SEMA4F: variants seen among roughly 807,000 people sequenced by gnomAD.
SEMA4F encodes ssemaphorin 4F.
A neutral mutation model predicts 78.4 loss-of-function variants in SEMA4F; 51 were observed. That is an observed-to-expected ratio of 0.65 (90% CI 0.52 to 0.82). The LOEUF is 0.82. Ranked by LOEUF, SEMA4F falls within the 40% of genes least tolerant of loss-of-function variation. SEMA4F has a pLI of 0.00. For synonymous variants in SEMA4F, 418 were observed against 408.7 expected, an observed-to-expected ratio of 1.02 and a Z score of -0.27; for missense variants, 938 against 1,014.4, an observed-to-expected ratio of 0.92 and a Z score of 1.02.
chr2:74,656,666 C>T lies in SEMA4F; in HGVS notation c.278C>T (p.Ser93Leu), dbSNP rs542698076. The T allele has an allele frequency of 5.0e-6, 8 of 1,614,048 alleles. No homozygotes were observed. In the African/African-American group the frequency reaches 5.3e-5, roughly 11 times the overall value. Residue 93 changes from serine (S) to leucine (L), a missense_variant, in exon 2 of 14, where the codon TCA becomes TTA. Transcript: ENST00000357877. ...ATCTTCGCTTTATCCCTGCCCTTCTCAGGGGAGAGACCCCGCAGGGTGAGA... is the reference window on the plus strand; with the variant it reads ...ATCTTCGCTTTATCCCTGCCCTTCTTAGGGGAGAGACCCCGCAGGGTGAGA... ...DTIFALSLPF[S>L]GERPRRIDWM...
Position 74,679,868 on chromosome 2 carries a change from A to C in SEMA4F, c.1972A>C (p.Thr658Pro). The C allele has an allele frequency of 6.2e-7, 1 of 1,614,192 alleles. No homozygotes were observed. Among genetic ancestry groups the C allele is most frequent in the Non-Finnish European group, 8.5e-7 (1 of 1,180,026 alleles). Reference protein sequence around the residue: ...SQRDAPSRAHTVGAGLAGFFL... With the variant: ...SQRDAPSRAHPVGAGLAGFFL... ...GCGAGATGCTCCGAGCCGGGCCCAC[A>C]CAGTGGGGGCGGGACTGGCTGGCTT... Residue 658 changes from threonine to proline, a missense_variant, in exon 14 of 14, where the codon ACA (threonine) becomes CCA (proline). By Grantham distance (38) the Thr-to-Pro change is conservative. Coordinates refer to ENST00000357877, the MANE Select transcript of SEMA4F (RefSeq NM_004263.5).
In SEMA4F at chr2:74,654,406, G is replaced by A. The variant is rs772420161; in HGVS notation, c.30G>A (p.Pro10=). 2 of 1,533,158 alleles carry A rather than the reference G, an allele frequency of 1.3e-6. No homozygotes were observed. Among genetic ancestry groups the A allele is most frequent in the Admixed American group, 3.9e-5 (2 of 51,682 alleles). The allele number at this position is 1,533,158 out of a possible 1,614,324, so 95.0% of individuals were successfully genotyped here. A position where few individuals can be genotyped will look rare whatever the true frequency, so the allele number is the denominator to read the frequency against. ...CGGCCTCTGCTGCGCGGCCCCGCCC[G>A]GGTCCCGGGCAGCCTACAGCCTCGC... is the stretch of plus-strand genomic sequence containing the variant. The part of the protein sequence containing the change: MPASAARPR[P]GPGQPTASPF... The change falls in exon 1 of 14, where the codon CCG becomes CCA. Residue 10 remains proline, a synonymous_variant. Coordinates refer to ENST00000357877, the MANE Select transcript of SEMA4F (RefSeq NM_004263.5).
At chr2:74,668,776 T>A (rs1684825410) in intron 5 of SEMA4F, among the ~76,000 whole-genome samples, 1 of 151,724 alleles carries the variant, frequency 6.6e-6, no homozygotes, top group African/African-American at 2.4e-5. Context: ...ATTACAGGCA[T>A]GCACTGCCAT....
At chr2:74,700,678 G>A in the SEMA4F span, among the ~76,000 whole-genome samples, 1 of 152,156 alleles carries the variant, frequency 6.6e-6, no homozygotes, top group Non-Finnish European at 1.5e-5. Flanking sequence ...GCACAGAGAG[G>A]GTAAGTAACT....
intron 5 of SEMA4F, among the ~76,000 whole-genome samples, chr2:74,671,866 A>C (rs1685006812): frequency 6.6e-6 from 1 of 152,166 alleles, no homozygotes. Flanking sequence ...GGTTTACTCC[A>C]TTCTGTCTCA....
chr2:74,657,471 T>G, intron 2 of SEMA4F, 94 bp from the exon 3 acceptor site: 1 of 1,221,544 alleles, frequency 8.2e-7, no homozygotes, highest in Non-Finnish European at 1.2e-6. Flanking sequence ...GTTCCCAAAT[T>G]GATGGAGGTT....
In SEMA4F at chr2:74,673,536, G is replaced by A. The variant is rs1458267751; in HGVS notation, c.630G>A (p.Glu210=). Residue 210 remains glutamate, a synonymous_variant, in exon 6 of 14, where the codon GAG becomes GAA. Transcript: ENST00000357877. The part of the protein sequence containing the change: ...PIITRAVGRA[E]DWIRTDTLPS... ...TCACCAGAGCAGTGGGTCGTGCCGA[G>A]GACTGGATTCGGACAGATACCTTGC... 1 of 1,614,156 alleles carries A rather than the reference G, an allele frequency of 6.2e-7. No individual in the cohort carries two copies. Among genetic ancestry groups the A allele is most frequent in the Admixed American group, 1.7e-5 (1 of 60,026 alleles).
chr2:74,695,162 C>T, the SEMA4F span, among the ~76,000 whole-genome samples: 1 of 152,190 alleles, frequency 6.6e-6, no homozygotes, highest in South Asian at 2.1e-4. Flanking sequence ...CTGCGTGTCT[C>T]AGCAGGTTAT....
At chr2:74,665,228 CTTTTT>C (rs11348861) in intron 5 of SEMA4F, among the ~76,000 whole-genome samples, 2 of 128,678 alleles carry the variant, frequency 1.6e-5, no homozygotes, top group Non-Finnish European at 1.7e-5. Context: ...CACTCTTTTT[CTTTTT>C]TTTTTTTTTT....
At chr2:74,691,184 C>T in the SEMA4F span, among the ~76,000 whole-genome samples, 1 of 152,122 alleles carries the variant, frequency 6.6e-6, no homozygotes, top group African/African-American at 2.4e-5. Context: ...ACGATTTGTG[C>T]TTTAAATATA....
At chr2:74,692,932 A>C in the SEMA4F span, among the ~76,000 whole-genome samples, 1 of 152,244 alleles carries the variant, frequency 6.6e-6, no homozygotes, top group Non-Finnish European at 1.5e-5. Context: ...AAATTTATCT[A>C]AACAATTACA....
the SEMA4F span, among the ~76,000 whole-genome samples, chr2:74,693,368 C>G: frequency 8.8e-3 from 1,338 of 152,314 alleles, 10 homozygotes; most frequent in Non-Finnish European, 0.015. Context: ...AGAACTCATT[C>G]TTGACTTGAA....
chr2:74,696,209 T>A, the SEMA4F span, among the ~76,000 whole-genome samples: 23 of 147,394 alleles, frequency 1.6e-4, no homozygotes, highest in Non-Finnish European at 2.5e-4. Context: ...TTTTTTTTTT[T>A]AATTGAGACG....
chr2:74,699,204 G>A, the SEMA4F span, among the ~76,000 whole-genome samples: 2 of 152,154 alleles, frequency 1.3e-5, no homozygotes, highest in Non-Finnish European at 2.9e-5. Context: ...GAGCTACTCT[G>A]ACTTCCAAAG....
the SEMA4F span, among the ~76,000 whole-genome samples, chr2:74,695,147 GA>G: frequency 6.6e-6 from 1 of 152,250 alleles, no homozygotes; most frequent in South Asian, 2.1e-4. Context: ...GTTGTGCTGG[GA>G]TCTCTGCGTG....
At position 74,675,171 on chromosome 2, in the gene SEMA4F, A is replaced by C; in HGVS notation, c.1159A>C (p.Asn387His). 6.2e-7 allele frequency: 1 copy of C among 1,614,076 alleles called. No individual in the cohort carries two copies. The highest frequency in any genetic ancestry group is 8.5e-7 in the Non-Finnish European group (1 of 1,180,008). ...CCTGTATTTCCTCTAGTGCATCACC[A>C]ACAACATGAAGCTCCGGCACTTTGG... ...PQPRPGECIT[N>H]NMKLRHFGSS... The change falls in exon 10 of 14, where the codon AAC (asparagine) becomes CAC (histidine). Residue 387 changes from asparagine (N) to histidine (H), a missense_variant. Physicochemically the swap from Asn to His is moderately conservative, Grantham distance 68 (BLOSUM62 1). Transcript: ENST00000357877.
chr2:74,672,282 C>T (rs1003475849), intron 5 of SEMA4F, among the ~76,000 whole-genome samples: 6 of 152,170 alleles, frequency 3.9e-5, no homozygotes, highest in Non-Finnish European at 5.9e-5. Flanking sequence ...CTGAAGTCCT[C>T]CTTCCATCTG....
chr2:74,693,526 G>T, the SEMA4F span, among the ~76,000 whole-genome samples: 12 of 152,278 alleles, frequency 7.9e-5, no homozygotes, highest in South Asian at 2.5e-3. Flanking sequence ...GGATAGGATG[G>T]ATGTTGAATT....
At chr2:74,656,484 T>A (rs745313470) in intron 1 of SEMA4F, 50 bp from the exon 2 acceptor site, 3 of 1,589,132 alleles carry the variant, frequency 1.9e-6, no homozygotes, top group South Asian at 1.1e-5. Context: ...TCTTGTGGAC[T>A]TGACCCTTAG....
Sources: gnomAD v4.1 joint callset for allele counts (sites outside exome capture counted in the v4.1 genomes callset) on GRCh38, gnomAD v4.1.1 for gene constraint, MANE v1.5 for transcripts, NCBI Gene and HGNC (gene_info 2026-07-23, HGNC 2026-07-21) for gene names.